The following CCND3 variants were observed in gnomAD, a reference collection of about 807,000 sequenced individuals.
CCND3 encodes the protein cyclin D3, also known as G1/S-specific cyclin-D3.
A neutral mutation model predicts 28.7 loss-of-function variants in CCND3; 9 were observed. The observed-to-expected ratio is 0.31, with a 90% CI of 0.19 to 0.55. CCND3 has a LOEUF of 0.55. CCND3 is among the 20% of genes least tolerant of loss of function. The pLI is 0.93. For synonymous variants in CCND3, 164 were observed against 163.9 expected (o/e 1.00, Z 0.00); for missense variants, 315 against 385.8 (o/e 0.82, Z 1.54).
intron 1 of CCND3, among the ~76,000 whole-genome samples, chr6:41,963,055 A>C (rs1246308056): frequency 6.6e-6 from 1 of 152,164 alleles, no homozygotes; most frequent in Non-Finnish European, 1.5e-5. Context: ...CTGGCCAAAA[A>C]TAATTTTTTT....
chr6:42,022,411 G>A (rs999083298), intron 1 of CCND3, among the ~76,000 whole-genome samples: 3 of 152,192 alleles, frequency 2.0e-5, no homozygotes, highest in South Asian at 2.1e-4. Flanking sequence ...GGATGGAGGC[G>A]GGGAGGAGAT....
intron 1 of CCND3, among the ~76,000 whole-genome samples, chr6:42,035,668 GTTTCT>G (rs1288863215): frequency 5.1e-5 from 7 of 136,718 alleles, no homozygotes; most frequent in East Asian, 2.2e-4. Flanking sequence ...TGCCCAGCTA[GTTTCT>G]TTTCTTTTCT....
chr6:41,983,199 G>A (rs1327336557), intron 1 of CCND3, among the ~76,000 whole-genome samples: 1 of 151,622 alleles, frequency 6.6e-6, no homozygotes, highest in Non-Finnish European at 1.5e-5. Flanking sequence ...CCAACATGGC[G>A]AAACCCTGTC....
intron 1 of CCND3, among the ~76,000 whole-genome samples, chr6:41,947,768 T>A (rs866388792): frequency 2.6e-5 from 4 of 152,126 alleles, no homozygotes; most frequent in Non-Finnish European, 5.9e-5. Context: ...TTTCCACTTC[T>A]ACCCCCCGGT....
chr6:41,957,597 T>C (rs1018303269), intron 1 of CCND3, among the ~76,000 whole-genome samples: 2 of 152,200 alleles, frequency 1.3e-5, no homozygotes, highest in African/African-American at 4.8e-5. Flanking sequence ...TAAAGTATTC[T>C]CCTTGTTTCC....
rs1055661963 is a variant in CCND3, at chr6:42,048,306, TG to T, written c.-46+194del. ...GTACATACAGAGGGCTCAGGGCCTT[TG>T]GGGGTTTCTCTGCCCTTCAATTCCG... On this transcript the variant is annotated intron_variant, in intron 1 of 4. Transcript: ENST00000372988. The surrounding 1 kb of genome is among the most constrained non-coding windows in gnomAD (Gnocchi z 4.7). The T allele has an allele frequency of 3.1e-6, 1 of 318,126 alleles. No homozygotes were observed. Among genetic ancestry groups the T allele is most frequent in the African/African-American group, 2.2e-5 (1 of 44,940 alleles). 19.7% of individuals were successfully genotyped at this position (318,126 alleles called of 1,614,324 possible).
chr6:41,987,422 T>C (rs898908022), intron 1 of CCND3, among the ~76,000 whole-genome samples: 2 of 151,888 alleles, frequency 1.3e-5, no homozygotes, highest in African/African-American at 4.8e-5. Context: ...ACTTTAGATC[T>C]TTGGTATATT....
intron 1 of CCND3, among the ~76,000 whole-genome samples, chr6:42,027,741 TG>T (rs202199487): frequency 2.4e-4 from 36 of 150,928 alleles, no homozygotes; most frequent in Admixed American, 4.0e-4. Flanking sequence ...CAGTTTTTTT[TG>T]TTTGTTTGTT....
intron 1 of CCND3, among the ~76,000 whole-genome samples, chr6:41,993,648 G>C (rs1379767525): frequency 6.6e-6 from 1 of 151,638 alleles, no homozygotes; most frequent in Non-Finnish European, 1.5e-5. Flanking sequence ...GACCTCAGAT[G>C]ATCCGCCCAC....
In CCND3 at chr6:41,937,184, A is replaced by G. The variant is rs1045174139; in HGVS notation, c.574+51T>C. 14 of 1,593,744 alleles carry G rather than the reference A, an allele frequency of 8.8e-6. No individual in the cohort carries two copies. In the African/African-American group the frequency reaches 9.4e-5, roughly 11 times the overall value. On this transcript the variant is annotated intron_variant, in intron 3 of 4. Coordinates refer to ENST00000372991, the MANE Select transcript of CCND3 (RefSeq NM_001760.5). ...GAATCTTCAGTTACCTCTCACCCTTATAAGTCTTCTGATTTTTCCAATTTG... is the reference window on the plus strand; with the variant it reads ...GAATCTTCAGTTACCTCTCACCCTTGTAAGTCTTCTGATTTTTCCAATTTG...
chr6:42,009,185 T>A (rs1050571718), intron 1 of CCND3, among the ~76,000 whole-genome samples: 10 of 152,132 alleles, frequency 6.6e-5, no homozygotes, highest in African/African-American at 2.4e-4. Context: ...ATCAGAAACC[T>A]TAAGGGGAGG....
chr6:41,953,647 G>A (rs1776369503), intron 1 of CCND3, among the ~76,000 whole-genome samples: 1 of 152,002 alleles, frequency 6.6e-6, no homozygotes. Context: ...AGGTTTTGTT[G>A]AGCTATCCGG....
intron 1 of CCND3, among the ~76,000 whole-genome samples, chr6:41,975,652 G>A (rs1025468346): frequency 3.9e-5 from 6 of 152,110 alleles, no homozygotes; most frequent in Non-Finnish European, 8.8e-5. Flanking sequence ...GGCAGCCAAA[G>A]GGTTCCAGGG....
At chr6:41,976,475 GACC>G (rs1293050149) in intron 1 of CCND3, among the ~76,000 whole-genome samples, 1 of 151,812 alleles carries the variant, frequency 6.6e-6, no homozygotes, top group Non-Finnish European at 1.5e-5. Context: ...AACACAGCGA[GACC>G]ACCATCTCCA....
chr6:42,006,910 A>C (rs1259821683), intron 1 of CCND3, among the ~76,000 whole-genome samples: 1 of 151,642 alleles, frequency 6.6e-6, no homozygotes, highest in Non-Finnish European at 1.5e-5. Context: ...TCTGTCTCAA[A>C]AAAAAAAAAA....
chr6:42,042,234 G>A (rs1374009787), intron 1 of CCND3, among the ~76,000 whole-genome samples: 3 of 152,218 alleles, frequency 2.0e-5, no homozygotes, highest in Admixed American at 6.5e-5. Flanking sequence ...CTATCTGGGA[G>A]ACGATGATGC....
At chr6:42,040,852 AAAACAAAC>A (rs762079409) in intron 1 of CCND3, among the ~76,000 whole-genome samples, 1 of 151,622 alleles carries the variant, frequency 6.6e-6, no homozygotes, top group East Asian at 1.9e-4. Flanking sequence ...CTCCATCTCA[AAAACAAAC>A]AAACAAACAA....
At chr6:41,948,020 C>T (rs1776213041) in intron 1 of CCND3, among the ~76,000 whole-genome samples, 1 of 152,158 alleles carries the variant, frequency 6.6e-6, no homozygotes, top group Non-Finnish European at 1.5e-5. Context: ...TCTCTTTGCA[C>T]GTGCTGTTCC....
chr6:41,996,545 A>G (rs1762811860), intron 1 of CCND3, among the ~76,000 whole-genome samples: 1 of 152,166 alleles, frequency 6.6e-6, no homozygotes, highest in Non-Finnish European at 1.5e-5. Context: ...CAGTTTGCAT[A>G]GACTGCTCAC....
Sources: gnomAD v4.1 joint callset for allele counts (sites outside exome capture counted in the v4.1 genomes callset) on GRCh38, gnomAD v4.1.1 for gene constraint, Gnocchi (gnomAD v3.1) non-coding constraint, MANE v1.5 for transcripts, NCBI Gene and HGNC (gene_info 2026-07-23, HGNC 2026-07-21) for gene names.